SYN3: variants seen among roughly 807,000 people sequenced by gnomAD.
SYN3 encodes synapsin-3.
Under a neutral mutation model 65.8 loss-of-function variants are expected in SYN3, and 35 were observed. The observed-to-expected ratio is 0.53, with a 90% CI of 0.41 to 0.70. The LOEUF (loss-of-function observed/expected upper bound fraction) is 0.70, where lower values mean the gene tolerates loss of function less well. Among genes scored for constraint, SYN3 ranks in the 30% least tolerant of loss-of-function variants. The pLI is 0.00. For synonymous variants in SYN3, 270 were observed against 292.9 expected (o/e 0.92, Z 0.80); for missense variants, 680 against 749.0 (o/e 0.91, Z 1.08).
chr22:32,771,862 G>C (rs773162846), intron 6 of SYN3, among the ~76,000 whole-genome samples: 2 of 152,172 alleles, frequency 1.3e-5, no homozygotes, highest in African/African-American at 4.8e-5. Context: ...ACTCAGAAAC[G>C]AATCTAGATC....
intron 10 of SYN3, among the ~76,000 whole-genome samples, chr22:32,532,794 C>T (rs992027113): frequency 3.9e-5 from 6 of 152,172 alleles, no homozygotes; most frequent in Non-Finnish European, 7.4e-5. Context: ...GCCCACACCC[C>T]GGGGAGGGGA....
At chr22:32,835,425 G>A (rs2047702694) in intron 6 of SYN3, among the ~76,000 whole-genome samples, 1 of 152,106 alleles carries the variant, frequency 6.6e-6, no homozygotes, top group Non-Finnish European at 1.5e-5. Context: ...TACACACTAG[G>A]GCCCCTGAGA....
chr22:32,902,998 G>A (rs1001564816), intron 4 of SYN3, among the ~76,000 whole-genome samples: 2 of 152,272 alleles, frequency 1.3e-5, no homozygotes, highest in East Asian at 1.9e-4. Flanking sequence ...TTAAACTACG[G>A]TGGTTTGGAT....
intron 6 of SYN3, among the ~76,000 whole-genome samples, chr22:32,676,882 T>G (rs2147093090): frequency 6.6e-6 from 1 of 152,254 alleles, no homozygotes; most frequent in East Asian, 1.9e-4. Flanking sequence ...GTGACAGGCC[T>G]TGTGCGGCCA....
intron 6 of SYN3, among the ~76,000 whole-genome samples, chr22:32,749,875 T>G (rs1488626562): frequency 6.6e-6 from 1 of 152,162 alleles, no homozygotes; most frequent in African/African-American, 2.4e-5. Flanking sequence ...CAAGCTCCTC[T>G]GGATGGTAAT....
intron 6 of SYN3, among the ~76,000 whole-genome samples, chr22:32,698,162 C>T (rs1374556899): frequency 6.6e-6 from 1 of 152,166 alleles, no homozygotes; most frequent in African/African-American, 2.4e-5. Flanking sequence ...TACACCCTGC[C>T]TTGGCTTCAA....
At chr22:32,670,648 G>A (rs1371602199) in intron 6 of SYN3, among the ~76,000 whole-genome samples, 1 of 152,226 alleles carries the variant, frequency 6.6e-6, no homozygotes, top group Non-Finnish European at 1.5e-5. Flanking sequence ...TTTCTTCACT[G>A]TGTTGTGAGG....
At chr22:32,655,092 C>A (rs371814741) in intron 6 of SYN3, among the ~76,000 whole-genome samples, 6 of 152,238 alleles carry the variant, frequency 3.9e-5, no homozygotes, top group African/African-American at 1.4e-4. Flanking sequence ...TAGCTTAAAC[C>A]CCAAGGTGAT....
chr22:32,802,198 G>A, intron 6 of SYN3: 12 of 1,518,830 alleles, frequency 7.9e-6, no homozygotes, highest in Non-Finnish European at 1.1e-5. Flanking sequence ...GGCAGGGCGA[G>A]CCCCACTCCT....
intron 6 of SYN3, among the ~76,000 whole-genome samples, chr22:32,779,198 G>T (rs758189222): frequency 6.6e-6 from 1 of 152,202 alleles, no homozygotes; most frequent in Admixed American, 6.5e-5. Flanking sequence ...GGTGGCTCAC[G>T]CCTGTAATCT....
intron 12 of SYN3, among the ~76,000 whole-genome samples, chr22:32,524,308 G>A (rs2057939253): frequency 6.6e-6 from 1 of 152,188 alleles, no homozygotes; most frequent in South Asian, 2.1e-4. Flanking sequence ...AGAAGTCAAT[G>A]CCTGGCTTCA....
chr22:32,777,281 T>C (rs1028368007), intron 6 of SYN3, among the ~76,000 whole-genome samples: 2 of 152,144 alleles, frequency 1.3e-5, no homozygotes, highest in African/African-American at 2.4e-5. Context: ...CCCATTCATC[T>C]CAGGCAGCTA....
At chr22:32,567,759 TCA>T (rs1330223507) in intron 7 of SYN3, among the ~76,000 whole-genome samples, 1 of 152,022 alleles carries the variant, frequency 6.6e-6, no homozygotes, top group African/African-American at 2.4e-5. Context: ...CAGCCCGAGG[TCA>T]CACAGCCAGG....
At chr22:32,541,507 C>A in intron 8 of SYN3, 64 bp downstream of exon 8, 1 of 1,595,594 alleles carries the variant, frequency 6.3e-7, no homozygotes, top group Non-Finnish European at 8.6e-7. Flanking sequence ...GAGACAGCGG[C>A]TGGACATGCA....
At chr22:32,749,211 C>A (rs141177187) in intron 6 of SYN3, among the ~76,000 whole-genome samples, 9 of 152,152 alleles carry the variant, frequency 5.9e-5, no homozygotes, top group African/African-American at 2.2e-4. Flanking sequence ...CCAAAAGCAT[C>A]AGGGGATCTT....
At chr22:32,891,987 T>TAATAATAATAATAATAAC (rs1050846712) in intron 4 of SYN3, among the ~76,000 whole-genome samples, 2 of 150,838 alleles carry the variant, frequency 1.3e-5, no homozygotes, top group African/African-American at 4.9e-5. Flanking sequence ...CTAATAATAA[T>TAATAATAATAATAATAAC]AATAATAATA....
In SYN3 at chr22:32,714,464, T is replaced by A. The variant is rs147082820; in HGVS notation, c.712-117728A>T. Among the ~76,000 whole-genome samples the A allele has an allele frequency of 4.6e-4, 70 of 152,292 alleles. 1 individual carries two copies. The East Asian group carries it at 8.3e-3, about 18-fold the overall frequency. ...GGTAGAGCCAAGCCACCAGCATTTTTAAAAAATGCCCAAGAGATTCAGAAG... is the reference window on the plus strand; with the variant it reads ...GGTAGAGCCAAGCCACCAGCATTTTAAAAAAATGCCCAAGAGATTCAGAAG... On this transcript the variant is annotated intron_variant, in intron 6 of 13. Coordinates refer to ENST00000358763, the MANE Select transcript of SYN3 (RefSeq NM_003490.4).
intron 8 of SYN3, among the ~76,000 whole-genome samples, chr22:32,540,093 C>G (rs1321761723): frequency 6.6e-6 from 1 of 152,202 alleles, no homozygotes; most frequent in Non-Finnish European, 1.5e-5. Context: ...GCCTGCACCT[C>G]CTCCAGTTTC....
At chr22:32,578,254 C>CTCTCT (rs1569057605) in intron 7 of SYN3, among the ~76,000 whole-genome samples, 4 of 138,230 alleles carry the variant, frequency 2.9e-5, no homozygotes, top group African/African-American at 7.6e-5. Context: ...TCTCTCTCTC[C>CTCTCT]CTCTCTCTTT....
Sources: allele counts gnomAD v4.1 joint callset (sites outside exome capture counted in the v4.1 genomes callset), GRCh38; gene constraint gnomAD v4.1.1; transcripts MANE v1.5; gene names NCBI Gene and HGNC (gene_info 2026-07-23, HGNC 2026-07-21).